Variants in ADARB2 observed in about 807,000 individuals in gnomAD.
ADARB2 encodes the protein inactive double-stranded RNA-specific editase B2.
A neutral mutation model predicts 62.2 loss-of-function variants in ADARB2; 25 were observed. That is an observed-to-expected ratio of 0.40 (90% CI 0.29 to 0.56). The LOEUF (loss-of-function observed/expected upper bound fraction) is 0.56, where lower values mean the gene tolerates loss of function less well. Among genes scored for constraint, ADARB2 ranks in the 20% least tolerant of loss-of-function variants. ADARB2 has a pLI of 0.43. For missense variants in ADARB2, 1,071 were observed against 1,077.4 expected, an observed-to-expected ratio of 0.99 and a Z score of 0.08; for synonymous variants, 572 against 500.8, an observed-to-expected ratio of 1.14 and a Z score of -1.90.
intron 1 of ADARB2, among the ~76,000 whole-genome samples, chr10:1,717,635 T>C (rs1191595400): frequency 1.3e-5 from 2 of 151,910 alleles, no homozygotes; most frequent in Non-Finnish European, 2.9e-5. Flanking sequence ...TGGAGTGCAA[T>C]GGCATGATCT....
intron 3 of ADARB2, among the ~76,000 whole-genome samples, chr10:1,342,819 C>T (rs1443462044): frequency 6.6e-6 from 1 of 152,214 alleles, no homozygotes; most frequent in Non-Finnish European, 1.5e-5. Flanking sequence ...ACATTTATTA[C>T]TCTTTTTAGT....
At chr10:1,490,776 G>A (rs1831611940) in intron 1 of ADARB2, among the ~76,000 whole-genome samples, 1 of 152,110 alleles carries the variant, frequency 6.6e-6, no homozygotes, top group African/African-American at 2.4e-5. Context: ...TTTTAAATAA[G>A]CCGTTAAATG....
intron 2 of ADARB2, among the ~76,000 whole-genome samples, chr10:1,375,098 G>C (rs1350365452): frequency 6.6e-6 from 1 of 152,180 alleles, no homozygotes; most frequent in African/African-American, 2.4e-5. Flanking sequence ...TGGTGCATGG[G>C]ACTCAGGAAG....
At chr10:1,354,283 T>G (rs10794738) in intron 3 of ADARB2, among the ~76,000 whole-genome samples, 83,635 of 151,716 alleles carry the variant, frequency 0.55, 23,577 homozygotes, top group Middle Eastern at 0.6. Context: ...TACACATCCA[T>G]CTGGCCGGTT....
At chr10:1,329,062 T>C (rs971699716) in intron 3 of ADARB2, among the ~76,000 whole-genome samples, 4 of 143,176 alleles carry the variant, frequency 2.8e-5, no homozygotes, top group Non-Finnish European at 6.1e-5. Flanking sequence ...ATTTATGACA[T>C]ATCTGGTTCA....
chr10:1,409,275 G>A (rs1044092895), intron 1 of ADARB2, among the ~76,000 whole-genome samples: 1 of 130,296 alleles, frequency 7.7e-6, no homozygotes, highest in African/African-American at 2.6e-5. Context: ...CGCCCTGCCT[G>A]ACGGCGGGCT....
intron 1 of ADARB2, among the ~76,000 whole-genome samples, chr10:1,708,483 A>T (rs978455901): frequency 1.3e-5 from 2 of 152,238 alleles, no homozygotes; most frequent in African/African-American, 4.8e-5. Context: ...CTTCCTGGTC[A>T]GAATCTTTCA....
At chr10:1,577,594 G>T (rs1362931851) in intron 1 of ADARB2, among the ~76,000 whole-genome samples, 3 of 152,202 alleles carry the variant, frequency 2.0e-5, no homozygotes, top group Admixed American at 2.0e-4. Flanking sequence ...AACGTGCCAG[G>T]CTGTACGAAG....
chr10:1,397,162 C>T (rs12217169), intron 1 of ADARB2, among the ~76,000 whole-genome samples: 2,354 of 3,620 alleles, frequency 0.65, 885 homozygotes, highest in Middle Eastern at 1. Flanking sequence ...CCCTCCCGAG[C>T]GCAGGCTTCC....
In ADARB2 at chr10:1,666,356, C is replaced by T. The variant is rs556273021; in HGVS notation, c.100+70695G>A. ...ATTCTCCTGGGCCGCAGCTCATCTG[C>T]GAGTCGGAGCCTCCGAAGGGGGGCC... On this transcript the variant is annotated intron_variant, in intron 1 of 9. Transcript: ENST00000381312. 1.2e-3 allele frequency among the ~76,000 whole-genome samples: 185 copies of T among 152,338 alleles called. 1 individual carries two copies. Among genetic ancestry groups the T allele is most frequent in the African/African-American group, 1.5e-3 (61 of 41,590 alleles).
intron 1 of ADARB2, among the ~76,000 whole-genome samples, chr10:1,555,986 T>C (rs564699500): frequency 1.2e-4 from 19 of 152,314 alleles, no homozygotes; most frequent in African/African-American, 4.3e-4. Flanking sequence ...TGCATGTTAA[T>C]GAAAGAATGG....
intron 1 of ADARB2, among the ~76,000 whole-genome samples, chr10:1,576,410 A>G (rs1574270): frequency 0.62 from 92,328 of 149,470 alleles, 28,957 homozygotes; most frequent in African/African-American, 0.67. Context: ...GGGGCTCAGG[A>G]TCACTGGAGG....
Position 1,727,562 on chromosome 10 carries a change from G to T in ADARB2, c.100+9489C>A, listed in dbSNP as rs117829060. ...CTATTATGTTTTGATATTGTAGAAA[G>T]AATAGAAATGTTCAAACTTAAAGGG... On this transcript the variant is annotated intron_variant, in intron 1 of 9. Transcript: ENST00000381312. Among the ~76,000 whole-genome samples the T allele has an allele frequency of 4.6e-3, 700 of 152,274 alleles. 4 individuals are homozygous for T. The highest frequency in any genetic ancestry group is 0.01 in the Middle Eastern group (3 of 294).
intron 1 of ADARB2, among the ~76,000 whole-genome samples, chr10:1,573,081 G>T (rs1276878283): frequency 1.3e-5 from 2 of 152,256 alleles, no homozygotes; most frequent in African/African-American, 4.8e-5. Context: ...GTGGAGCTCA[G>T]AACAGGGCTT....
chr10:1,308,198 A>G (rs911337907), intron 3 of ADARB2, among the ~76,000 whole-genome samples: 1 of 152,152 alleles, frequency 6.6e-6, no homozygotes, highest in Non-Finnish European at 1.5e-5. Context: ...AGCTCCTGGT[A>G]GCCCCTGATC....
chr10:1,247,623 G>A (rs1019166912), intron 4 of ADARB2, among the ~76,000 whole-genome samples: 1 of 152,196 alleles, frequency 6.6e-6, no homozygotes, highest in African/African-American at 2.4e-5. Flanking sequence ...GCAGCATAGT[G>A]AGGTGGAGAA....
At chr10:1,456,901 T>A (rs986357034) in intron 1 of ADARB2, among the ~76,000 whole-genome samples, 1 of 152,054 alleles carries the variant, frequency 6.6e-6, no homozygotes, top group African/African-American at 2.4e-5. Flanking sequence ...TTCAAGCGAT[T>A]CTCCTGCCTC....
intron 8 of ADARB2, among the ~76,000 whole-genome samples, chr10:1,195,848 G>A (rs1365554414): frequency 1.3e-5 from 2 of 152,122 alleles, no homozygotes; most frequent in African/African-American, 4.8e-5. Flanking sequence ...TTATGGCACC[G>A]TCCTAGTCTG....
At chr10:1,456,984 C>T (rs539399282) in intron 1 of ADARB2, among the ~76,000 whole-genome samples, 43 of 134,876 alleles carry the variant, frequency 3.2e-4, no homozygotes, top group East Asian at 3.1e-3. Flanking sequence ...TTAGTAGAGA[C>T]GGGGGTTTCA....
Sources: allele counts gnomAD v4.1 joint callset (sites outside exome capture counted in the v4.1 genomes callset), GRCh38; gene constraint gnomAD v4.1.1; transcripts MANE v1.5; gene names NCBI Gene and HGNC (gene_info 2026-07-23, HGNC 2026-07-21).